HOXA1: variants seen among roughly 807,000 people sequenced by gnomAD.
HOXA1 encodes the protein homeobox A1.
Under a neutral mutation model 28.3 loss-of-function variants are expected in HOXA1, and 21 were observed. The ratio of observed to expected loss-of-function variants is 0.74; its 90% CI spans 0.53 to 1.07. The LOEUF is 1.07. HOXA1 is among the 50% of genes least tolerant of loss of function. The pLI is 0.00. For missense variants in HOXA1, 446 were observed against 434.3 expected, an observed-to-expected ratio of 1.03 and a Z score of -0.24; for synonymous variants, 208 against 181.2, an observed-to-expected ratio of 1.15 and a Z score of -1.19.
rs1432125776 is a variant in HOXA1 at position 27,094,715 on chromosome 7, C to T, written c.733G>A (p.Glu245Lys). The change falls in exon 2 of 2, where the codon GAG (glutamate) becomes AAG (lysine). Residue 245 changes from glutamate to lysine, a missense_variant. Coordinates refer to ENST00000643460, the MANE Select transcript of HOXA1 (RefSeq NM_005522.5). The stretch of plus-strand genomic sequence containing the variant: ...TACTTGTTGAAGTGGAACTCCTTCT[C>T]CAGTTCCGTGAGCTGCTTGGTAGTG... ...NFTTKQLTELEKEFHFNKYLT... is the reference protein window; with the variant it reads ...NFTTKQLTELKKEFHFNKYLT... The T allele has an allele frequency of 6.2e-7, 1 of 1,614,184 alleles. No homozygotes were observed. Among genetic ancestry groups the T allele is most frequent in the Non-Finnish European group, 8.5e-7 (1 of 1,180,038 alleles).
chr7:27,095,435 T>C lies in HOXA1; in HGVS notation c.478A>G (p.Ile160Val), dbSNP rs1342246463. ...TGCTCCTGTCCATATGAGTGGTGAA[T>C]GTATTGAGGCGAGCCCACCGCGCCC... ...AGGAVGSPQYIHHSYGQEHQS... is the reference protein window; with the variant it reads ...AGGAVGSPQYVHHSYGQEHQS... Residue 160 changes from isoleucine (I) to valine (V), a missense_variant, in exon 1 of 2, where the codon ATT (isoleucine) becomes GTT (valine). Transcript: ENST00000643460. 6.2e-7 allele frequency: 1 copy of C among 1,614,050 alleles called. No individual in the cohort carries two copies. Among genetic ancestry groups the C allele is most frequent in the South Asian group, 1.1e-5 (1 of 91,070 alleles).
chr7:27,095,462 C>A lies in HOXA1; in HGVS notation c.451G>T (p.Gly151Trp), dbSNP rs1390784483. The A allele has an allele frequency of 1.2e-6, 2 of 1,614,156 alleles. No homozygotes were observed. The highest frequency in any genetic ancestry group is 1.7e-6 in the Non-Finnish European group (2 of 1,180,042). The change falls in exon 1 of 2, where the codon GGG (glycine) becomes TGG (tryptophan). Residue 151 changes from glycine to tryptophan, a missense_variant. Transcript: ENST00000643460. ...TATTGAGGCGAGCCCACCGCGCCCC[C>A]AGCATAACCCTGGTGGTGGTGGTGA... ...QHHHHHQGYA[G>W]GAVGSPQYIH...
In HOXA1 at chr7:27,095,713, T is replaced by A; in HGVS notation, c.200A>T (p.His67Leu). The change falls in exon 1 of 2, where the codon CAC (histidine) becomes CTC (leucine). Residue 67 changes from histidine (H) to leucine (L), a missense_variant. His to Leu is a moderately conservative substitution (Grantham distance 99). Coordinates refer to ENST00000643460, the MANE Select transcript of HOXA1 (RefSeq NM_005522.5). The part of the protein sequence containing the change: ...RGVQIGSPHH[H>L]HHHHHRHPQP... ...GGGGTGGCGATGGTGGTGGTGGTGG[T>A]GGTGGTGGGGCGAACCGATCTGCAC... 1 of 1,610,080 alleles carries A rather than the reference T, an allele frequency of 6.2e-7. No homozygotes were observed. Among genetic ancestry groups the A allele is most frequent in the Non-Finnish European group, 8.5e-7 (1 of 1,178,606 alleles).
In HOXA1 at chr7:27,094,445, G is replaced by A. The variant is rs901977586; in HGVS notation, c.1003C>T (p.His335Tyr). 6.2e-7 allele frequency: 1 copy of A among 1,611,176 alleles called. No individual in the cohort carries two copies. Among genetic ancestry groups the A allele is most frequent in the Non-Finnish European group, 8.5e-7 (1 of 1,177,354 alleles). ...TGTCTGGGGCTGGAGCCGCCTCAGT[G>A]GGAGGTAGTCAGAGTGTCTGAGGTA... is the stretch of plus-strand genomic sequence containing the variant. The part of the protein sequence containing the change: ...SSTSDTLTTS[H>Y] Residue 335 changes from histidine (H) to tyrosine (Y), a missense_variant, in exon 2 of 2, where the codon CAC becomes TAC. Transcript: ENST00000643460.
chr7:27,095,037 C>A (rs1783786629), intron 1 of HOXA1, among the ~76,000 whole-genome samples: 9 of 152,016 alleles, frequency 5.9e-5, no homozygotes. Flanking sequence ...ACAATAACCA[C>A]CCCCACATAC....
rs950767708 is a variant in HOXA1, at chr7:27,093,267, A to G, written c.*1173T>C. ...TGTGCCAACTTCATAGGAATTAACA[A>G]ATTGTAGCCCAGCCAAATACACGGA... On this transcript the variant is annotated 3_prime_UTR_variant, in exon 2 of 2. Transcript: ENST00000643460. The G allele has an allele frequency of 6.5e-6, 1 of 152,738 alleles. No individual in the cohort carries two copies. Among genetic ancestry groups the G allele is most frequent in the Non-Finnish European group, 1.5e-5 (1 of 68,020 alleles). The allele number at this position is 152,738 out of a possible 1,614,324, so 9.5% of individuals were successfully genotyped here. A position where few individuals can be genotyped will look rare whatever the true frequency, so the allele number is the denominator to read the frequency against.
chr7:27,093,570 CATT>C lies in HOXA1; in HGVS notation c.*867_*869del, dbSNP rs1783749831. On this transcript the variant is annotated 3_prime_UTR_variant, in exon 2 of 2. Coordinates refer to ENST00000643460, the MANE Select transcript of HOXA1 (RefSeq NM_005522.5). Reference sequence around the variant, plus strand: ...CACATTAACAATTGAGCTGAAAATACATTATATCCAGCTAAGATAACTGTGGAA... The same window carrying C: ...CACATTAACAATTGAGCTGAAAATACATATCCAGCTAAGATAACTGTGGAA... The C allele has an allele frequency of 6.6e-6, 1 of 152,608 alleles. No individual in the cohort carries two copies. Among genetic ancestry groups the C allele is most frequent in the South Asian group, 2.1e-4 (1 of 4,834 alleles). 9.5% of individuals were successfully genotyped at this position (152,608 alleles called of 1,614,324 possible).
chr7:27,094,574 G>T lies in HOXA1; in HGVS notation c.874C>A (p.Leu292Ile). The T allele has an allele frequency of 6.2e-7, 1 of 1,614,148 alleles. No individual in the cohort carries two copies. Among genetic ancestry groups the T allele is most frequent in the Non-Finnish European group, 8.5e-7 (1 of 1,179,982 alleles). The change falls in exon 2 of 2, where the codon CTC becomes ATC. Residue 292 changes from leucine (L) to isoleucine (I), a missense_variant. Coordinates refer to ENST00000643460, the MANE Select transcript of HOXA1 (RefSeq NM_005522.5). ...GGGGTGGCCGGAGAGATGGGCAAGA[G>T]ACCCTCCTTCTCACGTTTCTTTTGC... Reference protein sequence around the residue: ...MKQKKREKEGLLPISPATPPG... With the variant: ...MKQKKREKEGILPISPATPPG...
chr7:27,094,390 A>G lies in HOXA1; in HGVS notation c.*50T>C. On this transcript the variant is annotated 3_prime_UTR_variant, in exon 2 of 2. Transcript: ENST00000643460. ...AGCTAAGCATGTGCTTTGGGTAAGA[A>G]GTCCCAGCCCAAGGAGATGCCTGGG... 8.0e-7 allele frequency: 1 copy of G among 1,250,116 alleles called. No homozygotes were observed. The highest frequency in any genetic ancestry group is 1.2e-6 in the Non-Finnish European group (1 of 848,838). 77.4% of individuals were successfully genotyped at this position (1,250,116 alleles called of 1,614,324 possible). A position where few individuals can be genotyped will look rare whatever the true frequency, so the allele number is the denominator to read the frequency against.
chr7:27,095,623 G>T lies in HOXA1; in HGVS notation c.290C>A (p.Pro97Gln). ...GVSYSHSSCG[P>Q]SYGSQNFSAP... Reference sequence around the variant, plus strand: ...ACTGAAGTTCTGTGAGCCATAGCTTGGACCACAACTTGAGTGGGAGTAGGA... The same window carrying T: ...ACTGAAGTTCTGTGAGCCATAGCTTTGACCACAACTTGAGTGGGAGTAGGA... Residue 97 changes from proline (P) to glutamine (Q), a missense_variant, in exon 1 of 2, where the codon CCA becomes CAA. By Grantham distance (76) the Pro-to-Gln change is moderately conservative. Transcript: ENST00000643460. 1 of 1,614,178 alleles carries T rather than the reference G, an allele frequency of 6.2e-7. No homozygotes were observed. The highest frequency in any genetic ancestry group is 8.5e-7 in the Non-Finnish European group (1 of 1,180,042).
Position 27,095,722 on chromosome 7 carries a change from G to GGT in HOXA1, c.190_191insAC (p.Pro64HisfsTer51). On this transcript the variant is annotated frameshift_variant, in exon 1 of 2. Coordinates refer to ENST00000643460, the MANE Select transcript of HOXA1 (RefSeq NM_005522.5). LOFTEE classifies it high-confidence loss of function. ...ATGGTGGTGGTGGTGGTGGTGGTGG[G>GGT]GCGAACCGATCTGCACCCCCCTGCC... The GGT allele has an allele frequency of 1.2e-6, 2 of 1,612,426 alleles. No homozygotes were observed. Among genetic ancestry groups the GGT allele is most frequent in the East Asian group, 4.5e-5 (2 of 44,770 alleles).
intron 1 of HOXA1, 54 bp downstream of exon 1, chr7:27,095,207 A>G (rs1783789932): frequency 6.4e-7 from 1 of 1,564,768 alleles, no homozygotes. Context: ...GAAATTAAGC[A>G]TACCAGCTCC....
Position 27,095,918 on chromosome 7 carries a change from A to G in HOXA1, c.-6T>C, listed in dbSNP as rs776482521. 1 of 1,612,330 alleles carries G rather than the reference A, an allele frequency of 6.2e-7. No homozygotes were observed. Among genetic ancestry groups the G allele is most frequent in the Non-Finnish European group, 8.5e-7 (1 of 1,179,592 alleles). ...TTCATTCTTGCATTGTCCATCTGTCACTGAGTGACCTGGTCCTGCGAAGCC... is the reference window on the plus strand; with the variant it reads ...TTCATTCTTGCATTGTCCATCTGTCGCTGAGTGACCTGGTCCTGCGAAGCC... On this transcript the variant is annotated 5_prime_UTR_variant, in exon 1 of 2. It removes the in-frame stop codon of an upstream open reading frame in the 5' UTR. Coordinates refer to ENST00000643460, the MANE Select transcript of HOXA1 (RefSeq NM_005522.5).
Position 27,094,661 on chromosome 7 carries a change from C to A in HOXA1, c.787G>T (p.Ala263Ser). Residue 263 changes from alanine to serine, a missense_variant, in exon 2 of 2, where the codon GCT (alanine) becomes TCT (serine). Ala to Ser is a moderately conservative substitution (Grantham distance 99). Coordinates refer to ENST00000643460, the MANE Select transcript of HOXA1 (RefSeq NM_005522.5). ...GTCTCGTTGAGCTGCAGGGATGCAG[C>A]GATCTCCACCCTGCGGGCGCGCGTC... is the stretch of plus-strand genomic sequence containing the variant. The part of the protein sequence containing the change: ...YLTRARRVEI[A>S]ASLQLNETQV... The A allele has an allele frequency of 1.9e-6, 3 of 1,614,004 alleles. No individual in the cohort carries two copies. Among genetic ancestry groups the A allele is most frequent in the Non-Finnish European group, 2.5e-6 (3 of 1,179,958 alleles).
Position 27,093,269 on chromosome 7 carries a change from T to C in HOXA1, c.*1171A>G, listed in dbSNP as rs1470154772. On this transcript the variant is annotated 3_prime_UTR_variant, in exon 2 of 2. Coordinates refer to ENST00000643460, the MANE Select transcript of HOXA1 (RefSeq NM_005522.5). The stretch of plus-strand genomic sequence containing the variant: ...TGCCAACTTCATAGGAATTAACAAA[T>C]TGTAGCCCAGCCAAATACACGGATG... The C allele has an allele frequency of 6.6e-6, 1 of 152,658 alleles. No individual in the cohort carries two copies. The highest frequency in any genetic ancestry group is 1.5e-5 in the Non-Finnish European group (1 of 68,044). The allele number at this position is 152,658 out of a possible 1,614,324, so 9.5% of individuals were successfully genotyped here. A position where few individuals can be genotyped will look rare whatever the true frequency, so the allele number is the denominator to read the frequency against.
chr7:27,094,684 G>A lies in HOXA1; in HGVS notation c.764C>T (p.Thr255Met), dbSNP rs537351255. The change falls in exon 2 of 2, where the codon ACG becomes ATG. Residue 255 changes from threonine to methionine, a missense_variant. Physicochemically the swap from Thr to Met is moderately conservative, Grantham distance 81. Coordinates refer to ENST00000643460, the MANE Select transcript of HOXA1 (RefSeq NM_005522.5). ...EKEFHFNKYL[T>M]RARRVEIAAS... ...AGCGATCTCCACCCTGCGGGCGCGC[G>A]TCAGGTACTTGTTGAAGTGGAACTC... The A allele has an allele frequency of 3.7e-6, 6 of 1,614,134 alleles. No individual in the cohort carries two copies. Among genetic ancestry groups the A allele is most frequent in the Admixed American group, 1.7e-5 (1 of 60,032 alleles).
rs1198964933 is a variant in HOXA1 at position 27,094,755 on chromosome 7, C to G, written c.693G>C (p.Ala231=). The G allele has an allele frequency of 6.2e-7, 1 of 1,613,892 alleles. No homozygotes were observed. Among genetic ancestry groups the G allele is most frequent in the Non-Finnish European group, 8.5e-7 (1 of 1,180,016 alleles). ...GCTTGGTAGTGAAGTTGGTGCGCAC[C>G]GCGTTGGGTTGACCCAGGTAGCCGT... ...GEYGYLGQPN[A]VRTNFTTKQL... is the part of the protein sequence containing the mutation. Residue 231 remains alanine, a synonymous_variant, in exon 2 of 2, where the codon GCG becomes GCC. Transcript: ENST00000643460.
At position 27,094,231 on chromosome 7, in the gene HOXA1, C is replaced by T. The variant is rs2128032546; in HGVS notation, c.*209G>A. 1 of 569,518 alleles carries T rather than the reference C, an allele frequency of 1.8e-6. No homozygotes were observed. The highest frequency in any genetic ancestry group is 3.1e-6 in the Non-Finnish European group (1 of 318,484). 35.3% of individuals were successfully genotyped at this position (569,518 alleles called of 1,614,324 possible). A position where few individuals can be genotyped will look rare whatever the true frequency, so the allele number is the denominator to read the frequency against. On this transcript the variant is annotated 3_prime_UTR_variant, in exon 2 of 2. Transcript: ENST00000643460. ...GCCCACCAGAAAATGTATGCTGGCA[C>T]CCAATCTGGATGAAGGTGTTAACCC...
chr7:27,095,609 G>T lies in HOXA1; in HGVS notation c.304C>A (p.Gln102Lys), dbSNP rs775163257. The change falls in exon 1 of 2, where the codon CAG (glutamine) becomes AAG (lysine). Residue 102 changes from glutamine to lysine, a missense_variant. Gln to Lys is a moderately conservative substitution (Grantham distance 53). Transcript: ENST00000643460. ...HSSCGPSYGSQNFSAPYSPYA... is the reference protein window; with the variant it reads ...HSSCGPSYGSKNFSAPYSPYA... ...GGGCTGTAAGGCGCACTGAAGTTCT[G>T]TGAGCCATAGCTTGGACCACAACTT... 3 of 1,614,172 alleles carry T rather than the reference G, an allele frequency of 1.9e-6. No individual in the cohort carries two copies. Among genetic ancestry groups the T allele is most frequent in the Non-Finnish European group, 2.5e-6 (3 of 1,180,046 alleles).
Sources: gnomAD v4.1 joint callset for allele counts (sites outside exome capture counted in the v4.1 genomes callset) on GRCh38, gnomAD v4.1.1 for gene constraint, MANE v1.5 for transcripts, NCBI Gene and HGNC (gene_info 2026-07-23, HGNC 2026-07-21) for gene names.